ASIC2: variants seen among roughly 807,000 people sequenced by gnomAD.
The protein encoded by ASIC2 is acid-sensing ion channel 2.
ASIC2 carries 25 observed loss-of-function variants against 57.3 expected under a neutral mutation model. The ratio of observed to expected loss-of-function variants is 0.44; its 90% CI spans 0.32 to 0.61. The LOEUF is 0.61. Among genes scored for constraint, ASIC2 ranks in the 20% least tolerant of loss-of-function variants. The pLI is 0.06. For missense variants in ASIC2, 641 were observed against 738.1 expected (o/e 0.87, Z 1.52); for synonymous variants, 319 against 307.5 (o/e 1.04, Z -0.39).
intron 1 of ASIC2, among the ~76,000 whole-genome samples, chr17:34,128,150 A>T (rs1423432527): frequency 6.6e-6 from 1 of 152,206 alleles, no homozygotes; most frequent in African/African-American, 2.4e-5. Context: ...AAGGGAATCA[A>T]ATGGGGAGTA....
intron 1 of ASIC2, among the ~76,000 whole-genome samples, chr17:34,149,628 A>G (rs1446162732): frequency 6.6e-6 from 1 of 152,244 alleles, no homozygotes; most frequent in Non-Finnish European, 1.5e-5. Context: ...TGAAGACATC[A>G]GGCCTTATGA....
intron 1 of ASIC2, among the ~76,000 whole-genome samples, chr17:33,681,912 G>T (rs1189129243): frequency 6.6e-6 from 1 of 152,140 alleles, no homozygotes; most frequent in Non-Finnish European, 1.5e-5. Flanking sequence ...ACATGGTGGA[G>T]CCTCAATAAA....
chr17:33,399,300 G>A (rs1410072484), intron 1 of ASIC2, among the ~76,000 whole-genome samples: 2 of 152,182 alleles, frequency 1.3e-5, no homozygotes, highest in Admixed American at 6.5e-5. Flanking sequence ...AAGGATCTCT[G>A]ACAACCTGTT....
At chr17:33,433,679 G>T (rs1010156265) in intron 1 of ASIC2, among the ~76,000 whole-genome samples, 1 of 152,156 alleles carries the variant, frequency 6.6e-6, no homozygotes, top group Non-Finnish European at 1.5e-5. Flanking sequence ...GAACTTGGAG[G>T]CAGAGGTTGC....
At chr17:33,137,081 G>C (rs566923466) in intron 1 of ASIC2, among the ~76,000 whole-genome samples, 1 of 152,178 alleles carries the variant, frequency 6.6e-6, no homozygotes, top group Non-Finnish European at 1.5e-5. Flanking sequence ...AACAGTTATT[G>C]TTCCTACACG....
chr17:33,831,280 G>A (rs1016696113), intron 1 of ASIC2, among the ~76,000 whole-genome samples: 1 of 151,932 alleles, frequency 6.6e-6, no homozygotes, highest in South Asian at 2.1e-4. Context: ...ATCCCATTAA[G>A]TCATGGAGGA....
rs566844417 is a variant in ASIC2 at position 34,037,950 on chromosome 17, C to T, written c.555+118028G>A. The T allele has an allele frequency of 1.2e-4, 191 of 1,613,774 alleles. 1 individual carries two copies. The African/African-American group carries it at 2.3e-3, about 19-fold the overall frequency. On this transcript the variant is annotated intron_variant, in intron 1 of 9. Transcript: ENST00000359872. ...TAGAAGATCACACCCACCGACCACA[C>T]ATCAACTTTATTTGAGATCTTTGGT...
At chr17:33,582,370 A>G (rs975676200) in intron 1 of ASIC2, among the ~76,000 whole-genome samples, 1 of 152,236 alleles carries the variant, frequency 6.6e-6, no homozygotes, top group African/African-American at 2.4e-5. Flanking sequence ...CAGTCTATAA[A>G]TTAATGATTT....
At chr17:33,278,910 G>A (rs889204679) in intron 1 of ASIC2, among the ~76,000 whole-genome samples, 1 of 152,064 alleles carries the variant, frequency 6.6e-6, no homozygotes, top group African/African-American at 2.4e-5. Flanking sequence ...TGACAGCTGA[G>A]GAAGGGGAAC....
chr17:33,903,313 A>G (rs1356258964), intron 1 of ASIC2, among the ~76,000 whole-genome samples: 1 of 152,164 alleles, frequency 6.6e-6, no homozygotes, highest in Non-Finnish European at 1.5e-5. Flanking sequence ...CCAGCCAGCA[A>G]TCTCCATACT....
In ASIC2 at chr17:33,293,100, C is replaced by T; in HGVS notation, c.-985G>A. The T allele has an allele frequency of 1.1e-6, 1 of 935,358 alleles. No individual in the cohort carries two copies. The highest frequency in any genetic ancestry group is 1.3e-6 in the Non-Finnish European group (1 of 784,410). The allele number at this position is 935,358 out of a possible 1,614,324, so 57.9% of individuals were successfully genotyped here. A position where few individuals can be genotyped will look rare whatever the true frequency, so the allele number is the denominator to read the frequency against. On this transcript the variant is annotated 5_prime_UTR_variant, in exon 1 of 10. Transcript: ENST00000225823. ...CCCGCCAACACCTCCCGGGGGTGAC[C>T]CGGACTCGCTGCTCCGCGCGCCCTT...
chr17:33,055,235 T>C (rs2091993128), intron 3 of ASIC2, among the ~76,000 whole-genome samples: 1 of 152,272 alleles, frequency 6.6e-6, no homozygotes, highest in Non-Finnish European at 1.5e-5. Context: ...GATTTGGCCC[T>C]GATGGCTGCA....
chr17:33,114,843 C>T (rs1392426694), intron 1 of ASIC2, among the ~76,000 whole-genome samples: 20 of 152,230 alleles, frequency 1.3e-4, no homozygotes, highest in Admixed American at 1.3e-3. Flanking sequence ...AACTGGGACC[C>T]TTTCCTTCCT....
intron 1 of ASIC2, among the ~76,000 whole-genome samples, chr17:33,705,531 G>C (rs927826430): frequency 1.3e-5 from 2 of 152,180 alleles, no homozygotes; most frequent in African/African-American, 4.8e-5. Context: ...CATTATAAGA[G>C]GAAGGCAGAC....
At chr17:34,089,058 T>C (rs796278172) in intron 1 of ASIC2, among the ~76,000 whole-genome samples, 22 of 152,320 alleles carry the variant, frequency 1.4e-4, no homozygotes, top group African/African-American at 5.1e-4. Context: ...CTGCGCCCAC[T>C]GTCTGGCACT....
chr17:33,342,700 C>T (rs1567828907), intron 1 of ASIC2, among the ~76,000 whole-genome samples: 1 of 152,264 alleles, frequency 6.6e-6, no homozygotes, highest in East Asian at 1.9e-4. Context: ...GGTCACCTTC[C>T]TTGATGCATG....
At chr17:33,020,315 T>G (rs1311758865) in intron 7 of ASIC2, among the ~76,000 whole-genome samples, 1 of 152,150 alleles carries the variant, frequency 6.6e-6, no homozygotes, top group African/African-American at 2.4e-5. Flanking sequence ...ATCTTGCAGA[T>G]GAAGAACCTG....
At position 33,102,806 on chromosome 17, in the gene ASIC2, T is replaced by C. The variant is rs140254074; in HGVS notation, c.859+9111A>G. Among the ~76,000 whole-genome samples the C allele has an allele frequency of 2.6e-3, 389 of 152,318 alleles. 1 individual carries two copies. Among genetic ancestry groups the C allele is most frequent in the African/African-American group, 9.0e-3 (374 of 41,566 alleles). ...TGTTTATTTATTTATTTATTTGAGA[T>C]GGAGTCTCGCTCTGTCGCCCAGGCT... On this transcript the variant is annotated intron_variant, in intron 2 of 9. Transcript: ENST00000225823.
chr17:33,144,526 C>T (rs571695632), intron 1 of ASIC2, among the ~76,000 whole-genome samples: 1 of 152,114 alleles, frequency 6.6e-6, no homozygotes, highest in African/African-American at 2.4e-5. Flanking sequence ...CTCCCTTTAC[C>T]CAAGCCAGTT....
Sources: gnomAD v4.1 joint callset for allele counts (sites outside exome capture counted in the v4.1 genomes callset) on GRCh38, gnomAD v4.1.1 for gene constraint, MANE v1.5 for transcripts, NCBI Gene and HGNC (gene_info 2026-07-23, HGNC 2026-07-21) for gene names.